SH2D4B: variants seen among roughly 807,000 people sequenced by gnomAD.
SH2D4B encodes SH2 domain containing 4B, also known as SH2 domain-containing protein 4B.
Under a neutral mutation model 61.5 loss-of-function variants are expected in SH2D4B, and 45 were observed. The ratio of observed to expected loss-of-function variants is 0.73; its 90% CI spans 0.58 to 0.94. The LOEUF (loss-of-function observed/expected upper bound fraction) is 0.94. Among genes scored for constraint, SH2D4B ranks in the 40% least tolerant of loss-of-function variants. SH2D4B has a pLI of 0.00. For synonymous variants in SH2D4B, 224 were observed against 220.4 expected, an observed-to-expected ratio of 1.02 and a Z score of -0.14; for missense variants, 572 against 574.2, an observed-to-expected ratio of 1.00 and a Z score of 0.04.
chr10:80,585,182 A>G (rs946720174), intron 3 of SH2D4B, among the ~76,000 whole-genome samples: 14 of 152,174 alleles, frequency 9.2e-5, no homozygotes, highest in African/African-American at 2.9e-4. Context: ...TCTCTCTGAG[A>G]CTTTATCCAG....
intron 1 of SH2D4B, among the ~76,000 whole-genome samples, chr10:80,548,844 G>T (rs1300479427): frequency 6.6e-6 from 1 of 152,176 alleles, no homozygotes; most frequent in East Asian, 1.9e-4. Context: ...CTCAGCAATG[G>T]GGGGTGACTT....
intron 6 of SH2D4B, among the ~76,000 whole-genome samples, chr10:80,628,869 A>C (rs527774366): frequency 6.6e-6 from 1 of 152,128 alleles, no homozygotes; most frequent in South Asian, 2.1e-4. Flanking sequence ...GTCTCTACTA[A>C]AAATACAAAA....
At chr10:80,580,745 C>G (rs11186148) in intron 3 of SH2D4B, among the ~76,000 whole-genome samples, 51,710 of 151,988 alleles carry the variant, frequency 0.34, 9,727 homozygotes, top group African/African-American at 0.5. Context: ...CCACAGGATT[C>G]TGGCAGACCC....
Position 80,623,323 on chromosome 10 carries a change from C to A in SH2D4B, c.989-10962C>A, listed in dbSNP as rs75474894. Among the ~76,000 whole-genome samples, 1,411 of 152,310 alleles carry A rather than the reference C, an allele frequency of 9.3e-3. 14 individuals are homozygous for A. The highest frequency in any genetic ancestry group is 0.017 in the Admixed American group (253 of 15,296). Reference sequence around the variant, plus strand: ...GTTTGGTGTCTGTGAGGGCTCAGTCCTCGCTTTGAAGATGGCACCTTGAAT... The same window carrying A: ...GTTTGGTGTCTGTGAGGGCTCAGTCATCGCTTTGAAGATGGCACCTTGAAT... On this transcript the variant is annotated intron_variant, in intron 6 of 7. Transcript: ENST00000646907.
Position 80,634,408 on chromosome 10 carries a change from A to G in SH2D4B, c.1112A>G (p.Lys371Arg), listed in dbSNP as rs1053284493. The change falls in exon 7 of 8, where the codon AAA (lysine) becomes AGA (arginine). Residue 371 changes from lysine to arginine, a missense_variant. Lys to Arg is a conservative substitution (Grantham distance 26, BLOSUM62 2). Transcript: ENST00000646907. ...TLSYRLQKGF[K>R]HFLVDASGDF... ...TCCTACCGCCTGCAGAAAGGGTTCA[A>G]ACACTTTCTTGTGGATGCTTCTGGG... 1.4e-5 allele frequency: 21 copies of G among 1,550,458 alleles called. No individual in the cohort carries two copies. Among genetic ancestry groups the G allele is most frequent in the Non-Finnish European group, 1.8e-5 (21 of 1,147,006 alleles).
intron 6 of SH2D4B, among the ~76,000 whole-genome samples, chr10:80,623,450 C>T (rs1842738691): frequency 1.3e-5 from 2 of 152,204 alleles, no homozygotes; most frequent in Non-Finnish European, 2.9e-5. Flanking sequence ...ACTTAATTAT[C>T]TCCTAAAGAC....
chr10:80,579,165 C>T (rs983092425), intron 3 of SH2D4B, among the ~76,000 whole-genome samples: 14 of 152,084 alleles, frequency 9.2e-5, no homozygotes, highest in South Asian at 4.2e-4. Context: ...GGGCTGGGCT[C>T]ACTTTCTGCA....
intron 6 of SH2D4B, among the ~76,000 whole-genome samples, chr10:80,633,497 G>C (rs190291652): frequency 6.6e-6 from 1 of 152,294 alleles, no homozygotes; most frequent in Non-Finnish European, 1.5e-5. Context: ...GGTCGGGGGT[G>C]GGGGTAATCC....
At chr10:80,588,842 G>T (rs1332799710) in intron 4 of SH2D4B, 65 bp downstream of exon 4, 1 of 1,586,194 alleles carries the variant, frequency 6.3e-7, no homozygotes, top group Non-Finnish European at 8.6e-7. Flanking sequence ...TCCTCCCAAT[G>T]CTGATGTACT....
At chr10:80,611,202 A>C (rs1472306492) in intron 6 of SH2D4B, among the ~76,000 whole-genome samples, 1 of 144,360 alleles carries the variant, frequency 6.9e-6, no homozygotes, top group African/African-American at 2.6e-5. Flanking sequence ...AAAAAAAAAA[A>C]ACATTGATGA....
rs1172641610 is a variant in SH2D4B at position 80,561,823 on chromosome 10, C to G, written c.185-8331C>G. ...GTTTTGATGTAGTATCAGAGATTAT[C>G]TGAAAAAAATGATTAATTCCTTTTT... On this transcript the variant is annotated intron_variant, in intron 1 of 7. Transcript: ENST00000646907. 2.6e-5 allele frequency among the ~76,000 whole-genome samples: 4 copies of G among 152,198 alleles called. No individual in the cohort carries two copies. In the East Asian group the frequency reaches 7.7e-4, roughly 29 times the overall value.
chr10:80,548,070 G>T (rs1841705738), intron 1 of SH2D4B, among the ~76,000 whole-genome samples: 1 of 152,176 alleles, frequency 6.6e-6, no homozygotes, highest in Non-Finnish European at 1.5e-5. Context: ...GTATTTGGAA[G>T]GCAAGCAGAC....
At chr10:80,541,243 C>A (rs1841574510) in intron 1 of SH2D4B, among the ~76,000 whole-genome samples, 1 of 152,196 alleles carries the variant, frequency 6.6e-6, no homozygotes, top group African/African-American at 2.4e-5. Context: ...CCAGAAGAGC[C>A]ATGGACAAGT....
intron 7 of SH2D4B, among the ~76,000 whole-genome samples, chr10:80,641,018 T>A (rs1840286442): frequency 6.6e-6 from 1 of 152,250 alleles, no homozygotes; most frequent in Non-Finnish European, 1.5e-5. Flanking sequence ...TTCCTTTCTG[T>A]TTGTTAGTTT....
intron 3 of SH2D4B, among the ~76,000 whole-genome samples, chr10:80,587,186 A>T (rs1842268680): frequency 8.6e-6 from 1 of 116,370 alleles, no homozygotes; most frequent in African/African-American, 3.3e-5. Context: ...CCCAGGCTGG[A>T]GTGCAGTGGC....
intron 4 of SH2D4B, among the ~76,000 whole-genome samples, chr10:80,592,157 T>A (rs1564777517): frequency 6.6e-6 from 1 of 152,250 alleles, no homozygotes; most frequent in African/African-American, 2.4e-5. Flanking sequence ...TTGAACATTT[T>A]AAAAATGTGC....
At chr10:80,597,764 T>C (rs889642966) in intron 4 of SH2D4B, among the ~76,000 whole-genome samples, 3 of 152,024 alleles carry the variant, frequency 2.0e-5, no homozygotes, top group Non-Finnish European at 2.9e-5. Flanking sequence ...GCAGAGGAAA[T>C]GGCATTTGGT....
In SH2D4B at chr10:80,575,605, C is replaced by T. The variant is rs545894364; in HGVS notation, c.495+4027C>T. On this transcript the variant is annotated intron_variant, in intron 3 of 7. Coordinates refer to ENST00000646907, the MANE Select transcript of SH2D4B (RefSeq NM_001388272.1). ...GTGAAACTACTAAAACATGGTGAAA[C>T]TACTAACAATACAAAATACTAAAAA... Among the ~76,000 whole-genome samples the T allele has an allele frequency of 3.9e-5, 6 of 152,190 alleles. No individual in the cohort carries two copies. The East Asian group carries it at 1.2e-3, about 29-fold the overall frequency.
intron 4 of SH2D4B, among the ~76,000 whole-genome samples, chr10:80,592,032 C>G (rs909118004): frequency 4.6e-5 from 7 of 152,178 alleles, no homozygotes; most frequent in African/African-American, 1.7e-4. Context: ...AATTCCTTGA[C>G]GTCCTTGCCA....
Sources: allele counts gnomAD v4.1 joint callset (sites outside exome capture counted in the v4.1 genomes callset), GRCh38; gene constraint gnomAD v4.1.1; transcripts MANE v1.5; gene names NCBI Gene and HGNC (gene_info 2026-07-23, HGNC 2026-07-21).